Variants in CSMD1 observed in about 807,000 individuals in gnomAD.
CSMD1 encodes CUB and Sushi multiple domains 1.
A neutral mutation model predicts 417.5 loss-of-function variants in CSMD1; 213 were observed. The ratio of observed to expected loss-of-function variants is 0.51; its 90% CI spans 0.46 to 0.57. The LOEUF (loss-of-function observed/expected upper bound fraction) is 0.57, where lower values mean the gene tolerates loss of function less well. Among genes scored for constraint, CSMD1 ranks in the 20% least tolerant of loss-of-function variants. The pLI, the probability that CSMD1 is intolerant of heterozygous loss-of-function variation, is 0.00. For synonymous variants in CSMD1, 2,862 were observed against 1,736.8 expected, an observed-to-expected ratio of 1.65 and a Z score of -16.11; for missense variants, 6,923 against 4,529.7, an observed-to-expected ratio of 1.53 and a Z score of -15.17.
Position 3,224,141 on chromosome 8 carries a change from C to G in CSMD1, c.4346-274G>C, listed in dbSNP as rs1798363289. On this transcript the variant is annotated intron_variant, in intron 27 of 69. Transcript: ENST00000635120. ...ACTTCTGACACAAAAAATTTCTTTC[C>G]TATAATTTAAAATTTTCTCAATTAA... Among the ~76,000 whole-genome samples the G allele has an allele frequency of 2.6e-5, 4 of 152,190 alleles. No individual in the cohort carries two copies. In the South Asian group the frequency reaches 8.3e-4, roughly 32 times the overall value.
chr8:4,337,930 T>G (rs2128893907), intron 3 of CSMD1, among the ~76,000 whole-genome samples: 1 of 152,278 alleles, frequency 6.6e-6, no homozygotes, highest in Admixed American at 6.5e-5. Flanking sequence ...CGTTTATCAT[T>G]TAATGATATC....
chr8:3,104,985 C>A (rs763476848), intron 46 of CSMD1, among the ~76,000 whole-genome samples: 1 of 152,194 alleles, frequency 6.6e-6, no homozygotes, highest in African/African-American at 2.4e-5. Flanking sequence ...GGATTACAGG[C>A]GTGCGCCACC....
At chr8:4,428,103 G>A (rs1797668464) in intron 2 of CSMD1, among the ~76,000 whole-genome samples, 1 of 152,144 alleles carries the variant, frequency 6.6e-6, no homozygotes, top group South Asian at 2.1e-4. Flanking sequence ...GAGTGAATGG[G>A]ATACATCTCT....
At chr8:3,956,305 T>C (rs1362662494) in intron 5 of CSMD1, among the ~76,000 whole-genome samples, 1 of 152,166 alleles carries the variant, frequency 6.6e-6, no homozygotes, top group African/African-American at 2.4e-5. Context: ...ACTGTTATTA[T>C]CCCCATCTCA....
At chr8:4,643,092 C>G (rs1056023713) in intron 1 of CSMD1, among the ~76,000 whole-genome samples, 2 of 152,130 alleles carry the variant, frequency 1.3e-5, no homozygotes, top group African/African-American at 4.8e-5. Flanking sequence ...TAAATAGAGT[C>G]CAGGCAGAAG....
At chr8:3,052,835 G>A (rs1472181616) in intron 49 of CSMD1, among the ~76,000 whole-genome samples, 188 bp from the exon 50 acceptor site, 2 of 145,650 alleles carry the variant, frequency 1.4e-5, no homozygotes, top group African/African-American at 2.5e-5. Context: ...AGGCTGGAGT[G>A]CAATGACTCG....
chr8:3,203,382 T>C (rs1252090200), intron 31 of CSMD1, among the ~76,000 whole-genome samples: 1 of 152,188 alleles, frequency 6.6e-6, no homozygotes, highest in African/African-American at 2.4e-5. Context: ...TTCACTGCTA[T>C]CTACGCTGCT....
chr8:3,323,370 C>T (rs1322503662), intron 23 of CSMD1, among the ~76,000 whole-genome samples: 1 of 151,910 alleles, frequency 6.6e-6, no homozygotes, highest in African/African-American at 2.4e-5. Flanking sequence ...TTTATTTTTA[C>T]CTTCAATAAT....
intron 21 of CSMD1, among the ~76,000 whole-genome samples, chr8:3,358,583 T>A (rs1808951216): frequency 6.6e-6 from 1 of 152,134 alleles, no homozygotes; most frequent in Non-Finnish European, 1.5e-5. Context: ...AGTACCGAAA[T>A]AAAAATTCCT....
At chr8:3,833,086 T>A (rs1802465408) in intron 5 of CSMD1, among the ~76,000 whole-genome samples, 3 of 152,176 alleles carry the variant, frequency 2.0e-5, no homozygotes, top group Non-Finnish European at 1.5e-5. Context: ...TGATTTTTAT[T>A]TTTATTTTTT....
At chr8:3,962,553 G>C (rs1812400445) in intron 5 of CSMD1, among the ~76,000 whole-genome samples, 2 of 152,072 alleles carry the variant, frequency 1.3e-5, no homozygotes, top group South Asian at 2.1e-4. Flanking sequence ...AAAGTGTAGG[G>C]GTCATGATTT....
At chr8:3,098,217 CT>C (rs1007425732) in intron 46 of CSMD1, among the ~76,000 whole-genome samples, 4 of 152,080 alleles carry the variant, frequency 2.6e-5, no homozygotes, top group Non-Finnish European at 5.9e-5. Flanking sequence ...AGTTAATCAC[CT>C]TTTCCTTAAT....
chr8:3,125,994 G>T (rs1046526884), intron 41 of CSMD1, among the ~76,000 whole-genome samples: 1 of 152,090 alleles, frequency 6.6e-6, no homozygotes, highest in East Asian at 1.9e-4. Flanking sequence ...GAAAAAAGTT[G>T]AATTAGAGAA....
intron 2 of CSMD1, among the ~76,000 whole-genome samples, chr8:4,514,343 C>A (rs1254250450): frequency 1.3e-5 from 2 of 152,126 alleles, no homozygotes; most frequent in African/African-American, 4.8e-5. Flanking sequence ...CCATATACGG[C>A]TATACTGCAG....
At chr8:3,480,464 T>A (rs1354627907) in intron 11 of CSMD1, among the ~76,000 whole-genome samples, 1 of 152,164 alleles carries the variant, frequency 6.6e-6, no homozygotes, top group Non-Finnish European at 1.5e-5. Flanking sequence ...ATCCAACTAT[T>A]TTTTATCATT....
At chr8:4,087,461 C>G (rs1199033344) in intron 3 of CSMD1, among the ~76,000 whole-genome samples, 1 of 152,188 alleles carries the variant, frequency 6.6e-6, no homozygotes, top group East Asian at 1.9e-4. Flanking sequence ...CACCCAACTT[C>G]TGTCCCTTTT....
At chr8:3,102,208 A>C (rs965290882) in intron 46 of CSMD1, among the ~76,000 whole-genome samples, 1 of 152,226 alleles carries the variant, frequency 6.6e-6, no homozygotes, top group Non-Finnish European at 1.5e-5. Flanking sequence ...CGAATCAATC[A>C]AATAGTAGAA....
chr8:3,128,288 A>G (rs1211022317), intron 41 of CSMD1: 2 of 152,440 alleles, frequency 1.3e-5, no homozygotes, highest in Non-Finnish European at 2.9e-5. Flanking sequence ...GTTGATAAAT[A>G]TCTTCATGCT....
intron 3 of CSMD1, among the ~76,000 whole-genome samples, chr8:4,303,865 C>A (rs550382862): frequency 1.2e-3 from 176 of 152,126 alleles, no homozygotes; most frequent in African/African-American, 4.1e-3. Flanking sequence ...CTATGTTGCC[C>A]AGGCTGGTCT....
Sources: allele counts gnomAD v4.1 joint callset (sites outside exome capture counted in the v4.1 genomes callset), GRCh38; gene constraint gnomAD v4.1.1; transcripts MANE v1.5; gene names NCBI Gene and HGNC (gene_info 2026-07-23, HGNC 2026-07-21).